The following RBFOX1 variants were observed in gnomAD, a reference collection of about 807,000 sequenced individuals.
RBFOX1 encodes the protein RNA binding fox-1 homolog 1.
A neutral mutation model predicts 57.7 loss-of-function variants in RBFOX1; 8 were observed. The observed-to-expected ratio is 0.14, with a 90% CI of 0.08 to 0.25. RBFOX1 has a LOEUF of 0.25. RBFOX1 is among the 10% of genes least tolerant of loss of function. RBFOX1 has a pLI of 1.00. For missense variants in RBFOX1, 611 were observed against 548.5 expected, an observed-to-expected ratio of 1.11 and a Z score of -1.14; for synonymous variants, 326 against 222.4, an observed-to-expected ratio of 1.47 and a Z score of -4.15.
At chr16:6,525,692 T>C (rs1283601105) in intron 2 of RBFOX1, among the ~76,000 whole-genome samples, 1 of 152,100 alleles carries the variant, frequency 6.6e-6, no homozygotes, top group Non-Finnish European at 1.5e-5. Context: ...CTGTGTTCAC[T>C]GGTGGGAGGA....
Position 7,089,471 on chromosome 16 carries a change from C to T in RBFOX1, c.27+37373C>T, listed in dbSNP as rs968084445. The stretch of plus-strand genomic sequence containing the variant: ...TAAGGAAAAAACTATACTAGCATTT[C>T]ATGGAAAGGAGCCTTTTTGGCTTTT... On this transcript the variant is annotated intron_variant, in intron 4 of 15. Coordinates refer to ENST00000550418, the MANE Select transcript of RBFOX1 (RefSeq NM_018723.4). Among the ~76,000 whole-genome samples, 17 of 152,172 alleles carry T rather than the reference C, an allele frequency of 1.1e-4. 1 individual carries two copies. Among genetic ancestry groups the T allele is most frequent in the Middle Eastern group, 6.8e-3 (2 of 294 alleles).
intron 1 of RBFOX1, among the ~76,000 whole-genome samples, chr16:6,129,596 T>C (rs2096614873): frequency 6.7e-6 from 1 of 150,028 alleles, no homozygotes; most frequent in Admixed American, 6.7e-5. Context: ...GAGAATAGGA[T>C]AGAAAAAACA....
intron 3 of RBFOX1, among the ~76,000 whole-genome samples, chr16:6,731,880 C>T (rs955687505): frequency 6.6e-6 from 1 of 151,992 alleles, no homozygotes; most frequent in Non-Finnish European, 1.5e-5. Context: ...TCCAAACAAA[C>T]AAAGTATCTG....
chr16:7,530,844 G>T (rs2079881068), intron 5 of RBFOX1, among the ~76,000 whole-genome samples: 1 of 152,276 alleles, frequency 6.6e-6, no homozygotes, highest in African/African-American at 2.4e-5. Context: ...GGAGATCCAG[G>T]GAGATGCTCA....
chr16:6,881,396 T>G (rs2062902382), intron 3 of RBFOX1, among the ~76,000 whole-genome samples: 1 of 152,076 alleles, frequency 6.6e-6, no homozygotes, highest in Admixed American at 6.6e-5. Flanking sequence ...AGACTAGAAG[T>G]CCAGAATGAA....
intron 3 of RBFOX1, among the ~76,000 whole-genome samples, chr16:5,843,579 C>G (rs1215584361): frequency 6.6e-6 from 1 of 152,092 alleles, no homozygotes; most frequent in African/African-American, 2.4e-5. Flanking sequence ...GATTTCATGT[C>G]TTTGTTACTG....
chr16:7,657,306 T>A (rs9923561), intron 12 of RBFOX1, among the ~76,000 whole-genome samples: 34,099 of 151,956 alleles, frequency 0.22, 3,963 homozygotes, highest in South Asian at 0.34. Flanking sequence ...CATTTCCTTT[T>A]AAAAAAAATT....
At chr16:7,693,225 C>T (rs1293934789) in intron 14 of RBFOX1, 2 of 1,044,010 alleles carry the variant, frequency 1.9e-6, no homozygotes, top group Non-Finnish European at 3.0e-6. Flanking sequence ...AGCACCCTTC[C>T]CTCCCCTCAT....
chr16:5,715,914 T>G (rs2051681170), intron 3 of RBFOX1, among the ~76,000 whole-genome samples: 6 of 152,248 alleles, frequency 3.9e-5, no homozygotes, highest in Admixed American at 3.9e-4. Flanking sequence ...CAAGGCCACT[T>G]AATAATCATC....
chr16:6,970,908 T>A (rs1401160042), intron 3 of RBFOX1, among the ~76,000 whole-genome samples: 1 of 152,198 alleles, frequency 6.6e-6, no homozygotes. Context: ...ACCTTTGTGC[T>A]GTGCTGTTCC....
chr16:7,176,682 T>A (rs1325830064), intron 4 of RBFOX1, among the ~76,000 whole-genome samples: 2 of 152,216 alleles, frequency 1.3e-5, no homozygotes, highest in Non-Finnish European at 2.9e-5. Flanking sequence ...AGGTTTCCGA[T>A]CCTTGTTCTA....
chr16:7,080,287 A>C (rs1292727687), intron 4 of RBFOX1, among the ~76,000 whole-genome samples: 1 of 152,060 alleles, frequency 6.6e-6, no homozygotes, highest in Non-Finnish European at 1.5e-5. Context: ...GCAATATCTC[A>C]GCAGATAGCT....
intron 4 of RBFOX1, among the ~76,000 whole-genome samples, chr16:7,434,704 C>G (rs910419434): frequency 6.6e-6 from 1 of 151,592 alleles, no homozygotes; most frequent in Non-Finnish European, 1.5e-5. Context: ...GAGTTCCCAT[C>G]TACCCAGCGT....
At chr16:5,545,934 T>C (rs1025654975) in intron 2 of RBFOX1, among the ~76,000 whole-genome samples, 1 of 152,128 alleles carries the variant, frequency 6.6e-6, no homozygotes, top group East Asian at 1.9e-4. Flanking sequence ...CAGTGAGATC[T>C]AAAAACTTTT....
At chr16:7,474,607 A>C (rs13330355) in intron 4 of RBFOX1, among the ~76,000 whole-genome samples, 12,748 of 152,266 alleles carry the variant, frequency 0.084, 1,132 homozygotes, top group African/African-American at 0.22. Flanking sequence ...TTACTTTTGC[A>C]CCAAGCTAAT....
intron 3 of RBFOX1, among the ~76,000 whole-genome samples, chr16:5,780,940 G>C (rs974272910): frequency 1.3e-5 from 2 of 152,230 alleles, no homozygotes; most frequent in Middle Eastern, 3.2e-3. Flanking sequence ...ACTCCAAAGT[G>C]ACAATTCCAG....
In RBFOX1 at chr16:6,174,584, G is replaced by T. The variant is rs530955900; in HGVS notation, c.-126-142411G>T. 2.1e-4 allele frequency among the ~76,000 whole-genome samples: 32 copies of T among 152,188 alleles called. No homozygotes were observed. The South Asian group carries it at 6.4e-3, about 31-fold the overall frequency. On this transcript the variant is annotated intron_variant, in intron 1 of 15. Transcript: ENST00000550418. ...CACTCCAGCCTGGGTGACAGAGTGAGAGCCTATCTCCAAAAAATAAAAATA... is the reference window on the plus strand; with the variant it reads ...CACTCCAGCCTGGGTGACAGAGTGATAGCCTATCTCCAAAAAATAAAAATA...
Position 6,457,433 on chromosome 16 carries a change from G to A in RBFOX1, c.-64+140376G>A, listed in dbSNP as rs138205995. On this transcript the variant is annotated intron_variant, in intron 2 of 15. Transcript: ENST00000550418. ...TATTTTCTGGTGACTGTGAATTTCC[G>A]GAAGTCCCCCCCCCCGCAATAGCTT... Among the ~76,000 whole-genome samples, 424 of 60,092 alleles carry A rather than the reference G, an allele frequency of 7.1e-3. 13 individuals are homozygous for A. The East Asian group carries it at 0.21, about 30-fold the overall frequency. 39.4% of individuals were successfully genotyped at this position (60,092 alleles called of 152,430 possible). A position where few individuals can be genotyped will look rare whatever the true frequency, so the allele number is the denominator to read the frequency against.
chr16:7,668,604 A>T (rs1345271746), intron 13 of RBFOX1, among the ~76,000 whole-genome samples: 1 of 152,058 alleles, frequency 6.6e-6, no homozygotes, highest in East Asian at 1.9e-4. Flanking sequence ...GGGTTGTCTG[A>T]GAATGGAGGG....
Sources: allele counts gnomAD v4.1 joint callset (sites outside exome capture counted in the v4.1 genomes callset), GRCh38; gene constraint gnomAD v4.1.1; transcripts MANE v1.5; gene names NCBI Gene and HGNC (gene_info 2026-07-23, HGNC 2026-07-21).